Variants in TRHDE observed in about 807,000 individuals in gnomAD.
TRHDE encodes thyrotropin-releasing hormone-degrading ectoenzyme.
Under a neutral mutation model 125.7 loss-of-function variants are expected in TRHDE, and 72 were observed. The ratio of observed to expected loss-of-function variants is 0.57; its 90% CI spans 0.47 to 0.70. The LOEUF (loss-of-function observed/expected upper bound fraction) is 0.70, where lower values mean the gene tolerates loss of function less well. Ranked by LOEUF, TRHDE falls within the 30% of genes least tolerant of loss-of-function variation. TRHDE has a pLI of 0.00. For synonymous variants in TRHDE, 509 were observed against 509.1 expected, an observed-to-expected ratio of 1.00 and a Z score of 0.00; for missense variants, 1,110 against 1,327.1, an observed-to-expected ratio of 0.84 and a Z score of 2.54.
chr12:72,148,992 T>C (rs1876291012), intron 2 of TRHDE, among the ~76,000 whole-genome samples: 1 of 152,158 alleles, frequency 6.6e-6, no homozygotes, highest in South Asian at 2.1e-4. Context: ...TCAAATTTCC[T>C]GAGATTTTTT....
rs548189354 is a variant in TRHDE, at chr12:72,395,087, A to G, written c.1315+16966A>G. ...TACTTAAAATATACATTCTTAGCAA[A>G]TACAATATGTTGTTCTTACCTATAG... is the stretch of plus-strand genomic sequence containing the variant. On this transcript the variant is annotated intron_variant, in intron 3 of 18. Transcript: ENST00000261180. Among the ~76,000 whole-genome samples the G allele has an allele frequency of 5.9e-5, 9 of 152,276 alleles. No individual in the cohort carries two copies. In the South Asian group the frequency reaches 1.9e-3, roughly 32 times the overall value.
chr12:72,184,171 ACC>A (rs1462223059), intron 2 of TRHDE, among the ~76,000 whole-genome samples: 1 of 152,172 alleles, frequency 6.6e-6, no homozygotes, highest in East Asian at 1.9e-4. Context: ...AATATAGAAC[ACC>A]AAAGGTTATT....
chr12:72,583,293 T>C (rs1009563862), intron 12 of TRHDE, among the ~76,000 whole-genome samples: 2 of 152,238 alleles, frequency 1.3e-5, no homozygotes, highest in African/African-American at 4.8e-5. Context: ...TAGCTTGTTG[T>C]TATCCTCTCA....
intron 2 of TRHDE, among the ~76,000 whole-genome samples, chr12:72,211,295 A>G (rs759894708): frequency 2.0e-5 from 3 of 152,184 alleles, no homozygotes; most frequent in Non-Finnish European, 4.4e-5. Flanking sequence ...GAAGGGCTTC[A>G]TAGTTCTGGT....
intron 2 of TRHDE, among the ~76,000 whole-genome samples, chr12:72,364,489 G>A (rs1227798309): frequency 2.0e-5 from 3 of 151,980 alleles, no homozygotes; most frequent in East Asian, 1.9e-4. Flanking sequence ...GCTTTCCATA[G>A]TAGGGATTTC....
intron 1 of TRHDE, among the ~76,000 whole-genome samples, chr12:72,093,776 G>A (rs1158198406): frequency 6.6e-6 from 1 of 152,162 alleles, no homozygotes; most frequent in Non-Finnish European, 1.5e-5. Context: ...GTCTTGTTGA[G>A]CTTCTTTAAG....
intron 3 of TRHDE, among the ~76,000 whole-genome samples, chr12:72,391,040 A>G (rs1872595250): frequency 6.6e-6 from 1 of 152,184 alleles, no homozygotes; most frequent in Non-Finnish European, 1.5e-5. Context: ...AGAAATTTCC[A>G]GCCAATATGA....
chr12:72,496,525 C>T (rs1013675550), intron 5 of TRHDE, among the ~76,000 whole-genome samples: 1 of 152,120 alleles, frequency 6.6e-6, no homozygotes, highest in African/African-American at 2.4e-5. Flanking sequence ...TAGGAAATAG[C>T]CCCCATGATT....
At chr12:72,108,084 A>G (rs1219700920) in intron 2 of TRHDE, among the ~76,000 whole-genome samples, 1 of 152,140 alleles carries the variant, frequency 6.6e-6, no homozygotes, top group Non-Finnish European at 1.5e-5. Context: ...AGGAGAAGGC[A>G]TAGCACTAAA....
In TRHDE at chr12:72,473,154, G is replaced by T; in HGVS notation, c.1558G>T (p.Asp520Tyr). Reference sequence around the variant, plus strand: ...TCACTACTTTGAATTTGTTGGTACAGACTACCTCTATCCTGGCTGGAACAT... The same window carrying T: ...TCACTACTTTGAATTTGTTGGTACATACTACCTCTATCCTGGCTGGAACAT... ...FAHYFEFVGT[D>Y]YLYPGWNMEK... The change falls in exon 5 of 19, where the codon GAC (aspartate) becomes TAC (tyrosine). Residue 520 changes from aspartate (D) to tyrosine (Y), a missense_variant. Physicochemically the swap from Asp to Tyr is radical, Grantham distance 160. This residue lies in a region of TRHDE where 527 missense variants were observed against 651.8 expected (regional missense o/e 0.81). Coordinates refer to ENST00000261180, the MANE Select transcript of TRHDE (RefSeq NM_013381.3). 1 of 1,613,874 alleles carries T rather than the reference G, an allele frequency of 6.2e-7. No homozygotes were observed. Among genetic ancestry groups the T allele is most frequent in the Non-Finnish European group, 8.5e-7 (1 of 1,179,828 alleles).
chr12:72,648,081 G>A (rs577406981), intron 15 of TRHDE, among the ~76,000 whole-genome samples: 129 of 152,104 alleles, frequency 8.5e-4, no homozygotes, highest in African/African-American at 2.9e-3. Context: ...TCTGAGATGC[G>A]AGGATGCTTC....
intron 12 of TRHDE, among the ~76,000 whole-genome samples, chr12:72,591,800 T>C (rs1336860536): frequency 6.6e-6 from 1 of 151,934 alleles, no homozygotes; most frequent in Non-Finnish European, 1.5e-5. Flanking sequence ...CCCACCACTT[T>C]AAACATTTTT....
intron 3 of TRHDE, among the ~76,000 whole-genome samples, chr12:72,454,217 C>T (rs1437127721): frequency 6.6e-6 from 1 of 151,532 alleles, no homozygotes; most frequent in Non-Finnish European, 1.5e-5. Context: ...GTAATCAACT[C>T]TTTGTTTTTA....
chr12:72,444,719 C>T lies in TRHDE; in HGVS notation c.1316-25039C>T, dbSNP rs372153185. On this transcript the variant is annotated intron_variant, in intron 3 of 18. Transcript: ENST00000261180. The stretch of plus-strand genomic sequence containing the variant: ...TATTATGAACACCATTTATCACAGG[C>T]TAAGAAATGTCTGTTAGTGAAGCTG... Among the ~76,000 whole-genome samples, 16 of 151,706 alleles carry T rather than the reference C, an allele frequency of 1.1e-4. No individual in the cohort carries two copies. The Admixed American group carries it at 1.1e-3, about 10-fold the overall frequency.
At chr12:72,654,925 A>G (rs1188074444) in intron 17 of TRHDE, among the ~76,000 whole-genome samples, 2 of 152,202 alleles carry the variant, frequency 1.3e-5, no homozygotes, top group African/African-American at 4.8e-5. Context: ...TCAGAAAAGC[A>G]AATGTGATAT....
intron 15 of TRHDE, among the ~76,000 whole-genome samples, chr12:72,627,290 CT>C (rs1237211546): frequency 1.3e-5 from 2 of 151,882 alleles, no homozygotes; most frequent in African/African-American, 4.8e-5. Flanking sequence ...CTTCAGGGCA[CT>C]TTTTTTGTTG....
chr12:72,101,793 T>C (rs1238243706), intron 1 of TRHDE, among the ~76,000 whole-genome samples: 1 of 152,206 alleles, frequency 6.6e-6, no homozygotes, highest in Non-Finnish European at 1.5e-5. Context: ...TTTGACTGTT[T>C]TGGTAAAGAC....
At chr12:72,338,298 A>G (rs935379344) in intron 2 of TRHDE, among the ~76,000 whole-genome samples, 4 of 152,168 alleles carry the variant, frequency 2.6e-5, no homozygotes, top group Non-Finnish European at 5.9e-5. Flanking sequence ...TCTGCTTGGC[A>G]GTTGTTATGT....
chr12:72,219,815 T>C (rs541665497), intron 2 of TRHDE, among the ~76,000 whole-genome samples: 8 of 152,252 alleles, frequency 5.3e-5, no homozygotes, highest in African/African-American at 1.9e-4. Context: ...ATGTTGGGAA[T>C]GTAAATATAA....
Sources: gnomAD v4.1 joint callset for allele counts (sites outside exome capture counted in the v4.1 genomes callset) on GRCh38, gnomAD v4.1.1 for gene constraint, gnomAD v4.1.1 regional missense constraint, MANE v1.5 for transcripts, NCBI Gene and HGNC (gene_info 2026-07-23, HGNC 2026-07-21) for gene names.